The following PTK7 variants were observed in gnomAD, a reference collection of about 807,000 sequenced individuals.
PTK7 encodes the protein inactive tyrosine-protein kinase 7.
In PTK7, 39 loss-of-function variants were observed where a neutral mutation model predicts 116.6. The ratio of observed to expected loss-of-function variants is 0.33; its 90% CI spans 0.26 to 0.44. The LOEUF is 0.44. Ranked by LOEUF, PTK7 falls within the 20% of genes least tolerant of loss-of-function variation. The pLI is 1.00. For synonymous variants in PTK7, 546 were observed against 563.6 expected, an observed-to-expected ratio of 0.97 and a Z score of 0.44; for missense variants, 1,169 against 1,425.6, an observed-to-expected ratio of 0.82 and a Z score of 2.90.
Position 43,144,580 on chromosome 6 carries a change from C to T in PTK7, c.2381C>T (p.Ser794Phe). ...STSDKMHFPR[S>F]SLQPITTLGK... The stretch of plus-strand genomic sequence containing the variant: ...AGTGATAAGATGCACTTCCCACGGT[C>T]TAGCCTGCAGCCCATCACCACGCTG... Residue 794 changes from serine to phenylalanine, a missense_variant, in exon 15 of 20, where the codon TCT (serine) becomes TTT (phenylalanine). By Grantham distance (155) the Ser-to-Phe change is radical. Coordinates refer to ENST00000230419, the MANE Select transcript of PTK7 (RefSeq NM_002821.5). 5 of 1,613,482 alleles carry T rather than the reference C, an allele frequency of 3.1e-6. No homozygotes were observed. The highest frequency in any genetic ancestry group is 4.2e-6 in the Non-Finnish European group (5 of 1,179,616).
chr6:43,110,226 G>A (rs540292557), intron 1 of PTK7, among the ~76,000 whole-genome samples: 14 of 151,856 alleles, frequency 9.2e-5, no homozygotes, highest in Admixed American at 7.2e-4. Context: ...TCTTGACCTC[G>A]TGATCTGCCT....
intron 1 of PTK7, among the ~76,000 whole-genome samples, chr6:43,088,699 A>G (rs1039134194): frequency 6.9e-6 from 1 of 143,938 alleles, no homozygotes; most frequent in African/African-American, 2.5e-5. Flanking sequence ...CAAAATAAAT[A>G]AATAAATAAA....
chr6:43,077,425 T>TG lies in PTK7; in HGVS notation c.79+867dup, dbSNP rs200477681. On this transcript the variant is annotated intron_variant, in intron 1 of 19. Coordinates refer to ENST00000230419, the MANE Select transcript of PTK7 (RefSeq NM_002821.5). The stretch of plus-strand genomic sequence containing the variant: ...AAAAAGAGCTCATTCTGGCTTTTCT[T>TG]GGGGGGGGGCCTTAGCATTTTAACG... Among the ~76,000 whole-genome samples the TG allele has an allele frequency of 9.8e-3, 1,481 of 150,742 alleles. 11 individuals carry two copies. The highest frequency in any genetic ancestry group is 0.015 in the African/African-American group (612 of 41,076).
At chr6:43,096,921 G>T (rs1767293408) in intron 1 of PTK7, among the ~76,000 whole-genome samples, 1 of 75,650 alleles carries the variant, frequency 1.3e-5, no homozygotes, top group Non-Finnish European at 2.7e-5. Context: ...TGGGGGCCTG[G>T]AGGCCGCTGC....
intron 1 of PTK7, among the ~76,000 whole-genome samples, chr6:43,090,115 A>G (rs1380474079): frequency 6.6e-6 from 1 of 152,226 alleles, no homozygotes; most frequent in East Asian, 1.9e-4. Context: ...CCTTTCCAAG[A>G]GACTCCCTTT....
chr6:43,151,970 G>A (rs544894045), intron 17 of PTK7, among the ~76,000 whole-genome samples: 4 of 151,412 alleles, frequency 2.6e-5, no homozygotes, highest in African/African-American at 9.7e-5. Flanking sequence ...TGAACCTCCC[G>A]AGTAGCTGGG....
intron 17 of PTK7, among the ~76,000 whole-genome samples, chr6:43,151,037 G>A (rs1771045567): frequency 6.6e-6 from 1 of 151,522 alleles, no homozygotes; most frequent in African/African-American, 2.4e-5. Flanking sequence ...TGGCCAGGCT[G>A]GTCTTGAACT....
At chr6:43,144,803 G>A in intron 15 of PTK7, 197 bp downstream of exon 15, 1 of 549,556 alleles carries the variant, frequency 1.8e-6, no homozygotes, top group Non-Finnish European at 3.1e-6. Context: ...TGTCATTCCT[G>A]TGTACTACCT....
intron 1 of PTK7, among the ~76,000 whole-genome samples, chr6:43,101,031 G>A (rs1188710116): frequency 3.3e-5 from 5 of 151,458 alleles, no homozygotes; most frequent in South Asian, 2.1e-4. Flanking sequence ...TCCAGAGTTC[G>A]AGACCAGCCT....
intron 1 of PTK7, among the ~76,000 whole-genome samples, chr6:43,100,400 A>T (rs572605415): frequency 6.8e-6 from 1 of 146,724 alleles, no homozygotes; most frequent in African/African-American, 2.6e-5. Context: ...AAAAAAAATC[A>T]TTAGGGTTTT....
At chr6:43,144,734 T>G in intron 15 of PTK7, 128 bp downstream of exon 15, 1 of 1,214,728 alleles carries the variant, frequency 8.2e-7, no homozygotes, top group Non-Finnish European at 1.1e-6. Context: ...GAAGCATAGG[T>G]AGAGATCTAG....
chr6:43,088,564 T>C (rs1192872493), intron 1 of PTK7, among the ~76,000 whole-genome samples: 2 of 152,006 alleles, frequency 1.3e-5, no homozygotes, highest in Non-Finnish European at 2.9e-5. Flanking sequence ...TGGTGGTGCA[T>C]GCCTGTAATC....
chr6:43,109,131 T>C (rs1768054684), intron 1 of PTK7, among the ~76,000 whole-genome samples: 1 of 152,238 alleles, frequency 6.6e-6, no homozygotes, highest in Non-Finnish European at 1.5e-5. Context: ...CATGTGGTTC[T>C]TACCCTTACG....
Position 43,157,347 on chromosome 6 carries a change from TATATATATATATATATATTTTTTTTTTTC to T in PTK7, c.2722-1469_2722-1441del, listed in dbSNP as rs1228797344. ...CACGCTATATATATATATATATATA[TATATATATATATATATATTTTTTTTTTTC>T]TTTTTTTTTTTTTTTTTTTAATAGA... On this transcript the variant is annotated intron_variant, in intron 17 of 19. Coordinates refer to ENST00000230419, the MANE Select transcript of PTK7 (RefSeq NM_002821.5). Among the ~76,000 whole-genome samples the T allele has an allele frequency of 2.5e-3, 36 of 14,494 alleles. 1 individual carries two copies. Among genetic ancestry groups the T allele is most frequent in the African/African-American group, 6.5e-3 (23 of 3,516 alleles). 9.5% of individuals were successfully genotyped at this position (14,494 alleles called of 152,430 possible).
At chr6:43,118,822 G>T (rs192884364) in intron 1 of PTK7, among the ~76,000 whole-genome samples, 3 of 147,632 alleles carry the variant, frequency 2.0e-5, no homozygotes, top group East Asian at 2.0e-4. Flanking sequence ...CACCCAGGCT[G>T]CAGTGACGTG....
chr6:43,149,297 G>A (rs1016439758), intron 17 of PTK7, among the ~76,000 whole-genome samples: 2 of 152,002 alleles, frequency 1.3e-5, no homozygotes, highest in Admixed American at 1.3e-4. Context: ...GCTTGAGCCT[G>A]GGAGGCAGAG....
intron 5 of PTK7, chr6:43,131,728 G>T (rs978798685): frequency 2.7e-5 from 12 of 450,344 alleles, no homozygotes; most frequent in Non-Finnish European, 4.5e-5. Flanking sequence ...TGAGATTTGA[G>T]TGGGGACACA....
At chr6:43,096,350 C>T (rs549374594) in intron 1 of PTK7, among the ~76,000 whole-genome samples, 2 of 151,854 alleles carry the variant, frequency 1.3e-5, no homozygotes, top group Admixed American at 6.6e-5. Flanking sequence ...ACACTGTCTC[C>T]GTTTTTGTCA....
At chr6:43,131,171 T>C (rs1257724197) in intron 5 of PTK7, among the ~76,000 whole-genome samples, 1 of 152,132 alleles carries the variant, frequency 6.6e-6, no homozygotes, top group East Asian at 1.9e-4. Flanking sequence ...AGAACACCTT[T>C]GCAGTGTCAG....
Sources: gnomAD v4.1 joint callset for allele counts (sites outside exome capture counted in the v4.1 genomes callset) on GRCh38, gnomAD v4.1.1 for gene constraint, MANE v1.5 for transcripts, NCBI Gene and HGNC (gene_info 2026-07-23, HGNC 2026-07-21) for gene names.